MUC5B: variants seen among roughly 807,000 people sequenced by gnomAD.
MUC5B encodes mucin 5B, oligomeric mucus/gel-forming.
Under a neutral mutation model 376.9 loss-of-function variants are expected in MUC5B, and 116 were observed. The ratio of observed to expected loss-of-function variants is 0.31; its 90% confidence interval spans 0.26 to 0.36. MUC5B has a LOEUF of 0.36. MUC5B is among the 10% of genes least tolerant of loss of function. MUC5B has a pLI of 1.00. For missense variants in MUC5B, 7,165 were observed against 7,769.9 expected, an observed-to-expected ratio of 0.92 and a Z score of 2.93; for synonymous variants, 3,517 against 3,390.9, an observed-to-expected ratio of 1.04 and a Z score of -1.29.
intron 47 of MUC5B, 63 bp downstream of exon 47, chr11:1,260,456 C>A: frequency 6.3e-7 from 1 of 1,582,270 alleles, no homozygotes; most frequent in Non-Finnish European, 8.7e-7. Context: ...CCCATCCATT[C>A]CTGCCCAGAC....
In MUC5B at chr11:1,241,742, C is replaced by A; in HGVS notation, c.4862C>A (p.Thr1621Asn). ...ACCACAGAGCTGGAGACGGCCACCA[C>A]CACCACCACCCAGGCCCTGTTCTCA... ...PPTTELETAT[T>N]TTTQALFSTP... Residue 1621 changes from threonine to asparagine, a missense_variant, in exon 31 of 49, where the codon ACC becomes AAC. This residue lies in a region of MUC5B where 897 missense variants were observed against 779.6 expected (regional missense o/e 1.15). Transcript: ENST00000529681. The A allele has an allele frequency of 6.2e-7, 1 of 1,612,306 alleles. No individual in the cohort carries two copies. Among genetic ancestry groups the A allele is most frequent in the Non-Finnish European group, 8.5e-7 (1 of 1,179,592 alleles).
In MUC5B at chr11:1,250,173, T is replaced by A; in HGVS notation, c.13293T>A (p.Thr4431=). The change falls in exon 31 of 49, where the codon ACT becomes ACA. Residue 4431 remains threonine (T), a synonymous_variant. Transcript: ENST00000529681. ...LTELTTTATT[T]ASTGSTATPS... ...AGCTGACCACAACAGCCACTACGAC[T>A]GCGTCCACTGGATCCACGGCCACCC... 1 of 1,587,204 alleles carries A rather than the reference T, an allele frequency of 6.3e-7. No homozygotes were observed. Among genetic ancestry groups the A allele is most frequent in the African/African-American group, 1.4e-5 (1 of 73,758 alleles).
At chr11:1,238,640 ATGGGCAGG>A (rs932250075) in intron 25 of MUC5B, among the ~76,000 whole-genome samples, 10 of 152,066 alleles carry the variant, frequency 6.6e-5, no homozygotes, top group Non-Finnish European at 1.5e-4. Flanking sequence ...AGGTGGGCAG[ATGGGCAGG>A]TGGGCAGGGA....
Position 1,246,239 on chromosome 11 carries a change from G to A in MUC5B, c.9359G>A (p.Ser3120Asn). 1 of 1,611,840 alleles carries A rather than the reference G, an allele frequency of 6.2e-7. No homozygotes were observed. The highest frequency in any genetic ancestry group is 8.5e-7 in the Non-Finnish European group (1 of 1,179,256). Residue 3120 changes from serine to asparagine, a missense_variant, in exon 31 of 49, where the codon AGT becomes AAT. By Grantham distance (46) the Ser-to-Asn change is conservative (BLOSUM62 1). Around this residue, in one of 31 missense-constraint regions of MUC5B, gnomAD observed 939 missense variants for 770.6 expected, o/e 1.22. Transcript: ENST00000529681. ...TTKATTTRAT[S>N]SMSTPSSTPG... ...AAGGCCACCACGACAAGGGCCACCA[G>A]TTCCATGTCCACCCCCTCCTCCACT... is the stretch of plus-strand genomic sequence containing the variant.
chr11:1,259,356 G>T (rs1862939440), intron 44 of MUC5B, among the ~76,000 whole-genome samples: 2 of 152,192 alleles, frequency 1.3e-5, no homozygotes, highest in South Asian at 4.1e-4. Flanking sequence ...CCCCAGGTGA[G>T]CCCACAGCTG....
In MUC5B at chr11:1,255,112, A is replaced by G. The variant is rs773866698; in HGVS notation, c.15736A>G (p.Met5246Val). 18 of 1,587,326 alleles carry G rather than the reference A, an allele frequency of 1.1e-5. No individual in the cohort carries two copies. The highest frequency in any genetic ancestry group is 1.5e-5 in the Non-Finnish European group (17 of 1,168,042). Residue 5246 changes from methionine (M) to valine (V), a missense_variant, in exon 36 of 49, where the codon ATG becomes GTG. By Grantham distance (21) the Met-to-Val change is conservative. This residue lies in a region of MUC5B where 842 missense variants were observed against 1,016.9 expected (regional missense o/e 0.83). Coordinates refer to ENST00000529681, the MANE Select transcript of MUC5B (RefSeq NM_002458.3). ...AACCACTGCCGCCAGTTGCAAGGAC[A>G]TGGCCAAGACGTGGCTGGTCCCCGA... ...DGTTAASCKD[M>V]AKTWLVPDSR...
Position 1,253,006 on chromosome 11 carries a change from T to C in MUC5B, c.15217+26T>C. 1 of 1,611,416 alleles carries C rather than the reference T, an allele frequency of 6.2e-7. No individual in the cohort carries two copies. On this transcript the variant is annotated intron_variant, in intron 33 of 48. Coordinates refer to ENST00000529681, the MANE Select transcript of MUC5B (RefSeq NM_002458.3). The surrounding 1 kb of genome is among the most constrained non-coding windows in gnomAD (Gnocchi z 4.3). ...GTGAGTGCGTCGGTGGCCGCGGGATTACCCCGGGGGCAGGTGGAGCAGAGT... is the reference window on the plus strand; with the variant it reads ...GTGAGTGCGTCGGTGGCCGCGGGATCACCCCGGGGGCAGGTGGAGCAGAGT...
chr11:1,239,158 T>C (rs1409126161), intron 26 of MUC5B, 131 bp downstream of exon 26: 1 of 1,169,188 alleles, frequency 8.6e-7, no homozygotes, highest in Non-Finnish European at 1.2e-6. Context: ...TGTGCCTCCA[T>C]GTGAGTGCAC....
chr11:1,228,495 C>T, intron 7 of MUC5B, 69 bp from the exon 8 acceptor site: 1 of 1,399,416 alleles, frequency 7.1e-7, no homozygotes, highest in Non-Finnish European at 9.5e-7. Context: ...TGCCATGGGT[C>T]CTATTCCAGC....
At chr11:1,232,234 C>T (rs575212514) in intron 15 of MUC5B, 74 bp downstream of exon 15, 10 of 1,475,248 alleles carry the variant, frequency 6.8e-6, no homozygotes, top group African/African-American at 4.2e-5. Context: ...CCCTGGGCCA[C>T]GGGGACCCCT....
rs201400995 is a variant in MUC5B at position 1,250,676 on chromosome 11, C to T, written c.13796C>T (p.Thr4599Met). ...ACCAAAGTGCCGACTACCACAACCA[C>T]GGGCTTCACAGCCACCCCCTCCTCC... ...HTTKVPTTTT[T>M]GFTATPSSSP... Residue 4599 changes from threonine (T) to methionine (M), a missense_variant, in exon 31 of 49, where the codon ACG (threonine) becomes ATG (methionine). Physicochemically the swap from Thr to Met is moderately conservative, Grantham distance 81. Around this residue, in one of 31 missense-constraint regions of MUC5B, gnomAD observed 730 missense variants for 592.7 expected, o/e 1.23. Coordinates refer to ENST00000529681, the MANE Select transcript of MUC5B (RefSeq NM_002458.3). 3.3e-3 allele frequency: 5,400 copies of T among 1,612,474 alleles called. 107 individuals carry two copies. In the African/African-American group the frequency reaches 0.064, roughly 19 times the overall value.
Position 1,250,759 on chromosome 11 carries a change from A to G in MUC5B, c.13879A>G (p.Thr4627Ala), listed in dbSNP as rs769238167. ...VWISTTTTPT[T>A]TTPTTSGSTV... is the part of the protein sequence containing the mutation. ...GATCAGCACAACCACCACACCCACA[A>G]CCACCACACCCACAACCAGTGGCTC... The change falls in exon 31 of 49, where the codon ACC (threonine) becomes GCC (alanine). Residue 4627 changes from threonine (T) to alanine (A), a missense_variant. By Grantham distance (58) the Thr-to-Ala change is moderately conservative. Transcript: ENST00000529681. 46 of 1,611,318 alleles carry G rather than the reference A, an allele frequency of 2.9e-5. No individual in the cohort carries two copies. Among genetic ancestry groups the G allele is most frequent in the Non-Finnish European group, 3.6e-5 (43 of 1,178,662 alleles).
In MUC5B at chr11:1,258,853, C is replaced by T; in HGVS notation, c.16594-89C>T. 1.3e-6 allele frequency: 2 copies of T among 1,507,624 alleles called. No individual in the cohort carries two copies. Among genetic ancestry groups the T allele is most frequent in the Non-Finnish European group, 1.8e-6 (2 of 1,121,952 alleles). 93.4% of individuals were successfully genotyped at this position (1,507,624 alleles called of 1,614,324 possible). On this transcript the variant is annotated intron_variant, in intron 43 of 48. Coordinates refer to ENST00000529681, the MANE Select transcript of MUC5B (RefSeq NM_002458.3). The surrounding 1 kb of genome is among the most constrained non-coding windows in gnomAD (Gnocchi z 5.5). ...TATGCTCCATCTGAGGAAGGAACAA[C>T]TCCCTGCAGGCCCCATTGGGTCATG...
In MUC5B at chr11:1,243,146, C is replaced by T. The variant is rs377736509; in HGVS notation, c.6266C>T (p.Thr2089Met). 1.0e-4 allele frequency: 166 copies of T among 1,609,714 alleles called. No homozygotes were observed. Among genetic ancestry groups the T allele is most frequent in the African/African-American group, 2.0e-4 (15 of 74,686 alleles). The change falls in exon 31 of 49, where the codon ACG becomes ATG. Residue 2089 changes from threonine to methionine, a missense_variant. Around this residue, in one of 31 missense-constraint regions of MUC5B, gnomAD observed 897 missense variants for 779.6 expected, o/e 1.15. Transcript: ENST00000529681. The part of the protein sequence containing the change: ...TTTTPTTRGS[T>M]VTPSSIPGTT... ...ACCACACCCACAACCAGAGGCTCCA[C>T]GGTGACCCCCTCCTCCATCCCGGGG...
chr11:1,232,124 A>G lies in MUC5B; in HGVS notation c.1807A>G (p.Ser603Gly), dbSNP rs747682854. The G allele has an allele frequency of 6.2e-7, 1 of 1,612,010 alleles. No homozygotes were observed. Among genetic ancestry groups the G allele is most frequent in the Non-Finnish European group, 8.5e-7 (1 of 1,179,330 alleles). The change falls in exon 15 of 49, where the codon AGC becomes GGC. Residue 603 changes from serine (S) to glycine (G), a missense_variant. Ser to Gly is a moderately conservative substitution (Grantham distance 56, BLOSUM62 0). Transcript: ENST00000529681. ...AQAACANARN[S>G]FEDPCSLSVE... is the part of the protein sequence containing the mutation. Reference sequence around the variant, plus strand: ...GGCTGCCTGTGCCAATGCCAGGAACAGCTTTGAGGACCCCTGCTCCCTCAG... The same window carrying G: ...GGCTGCCTGTGCCAATGCCAGGAACGGCTTTGAGGACCCCTGCTCCCTCAG...
chr11:1,248,789 C>A lies in MUC5B; in HGVS notation c.11909C>A (p.Thr3970Lys). ...TTNPSSTPGTTPIPPVLTTTA... is the reference protein window; with the variant it reads ...TTNPSSTPGTKPIPPVLTTTA... ...AACCCCTCCTCAACTCCAGGGACAA[C>A]ACCTATCCCCCCAGTGCTGACCACC... Residue 3970 changes from threonine to lysine, a missense_variant, in exon 31 of 49, where the codon ACA becomes AAA. Coordinates refer to ENST00000529681, the MANE Select transcript of MUC5B (RefSeq NM_002458.3). The A allele has an allele frequency of 6.5e-7, 1 of 1,549,574 alleles. No individual in the cohort carries two copies. Among genetic ancestry groups the A allele is most frequent in the Non-Finnish European group, 8.7e-7 (1 of 1,145,950 alleles).
rs770159358 is a variant in MUC5B at position 1,242,669 on chromosome 11, T to C, written c.5789T>C (p.Leu1930Pro). Residue 1930 changes from leucine (L) to proline (P), a missense_variant, in exon 31 of 49, where the codon CTG becomes CCG. Coordinates refer to ENST00000529681, the MANE Select transcript of MUC5B (RefSeq NM_002458.3). ...TCCACGGCCACCCCGACCTCCACCC[T>C]GAGAACAGCTCCCCCTCCCAAAGTG... is the stretch of plus-strand genomic sequence containing the variant. The part of the protein sequence containing the change: ...TGSTATPTST[L>P]RTAPPPKVLT... 15 of 1,604,608 alleles carry C rather than the reference T, an allele frequency of 9.3e-6. No homozygotes were observed. In the East Asian group the frequency reaches 1.1e-4, roughly 12 times the overall value.
At position 1,233,046 on chromosome 11, in the gene MUC5B, G is replaced by C. The variant is rs2735715; in HGVS notation, c.2099G>C (p.Arg700Pro). ...ATGCAGAACTGCCCCAAGTCCCAGC[G>C]CTACGCCTACGTGGTGGATGCCTGC... ...KYMQNCPKSQ[R>P]YAYVVDACQP... The change falls in exon 18 of 49, where the codon CGC becomes CCC. Residue 700 changes from arginine to proline, a missense_variant. Arg to Pro is a moderately radical substitution (Grantham distance 103). Around this residue, in one of 31 missense-constraint regions of MUC5B, gnomAD observed 530 missense variants for 604.0 expected, o/e 0.88. Transcript: ENST00000529681. 6.2e-7 allele frequency: 1 copy of C among 1,602,388 alleles called. No individual in the cohort carries two copies. Among genetic ancestry groups the C allele is most frequent in the South Asian group, 1.1e-5 (1 of 90,036 alleles).
Position 1,250,239 on chromosome 11 carries a change from G to T in MUC5B, c.13359G>T (p.Pro4453=), listed in dbSNP as rs527423680. ...TPGTTWILTE[P]STTATVTVPT... ...GGACCACCTGGATCCTCACAGAGCC[G>T]AGCACTACAGCCACCGTGACGGTGC... Residue 4453 remains proline (P), a synonymous_variant, in exon 31 of 49, where the codon CCG becomes CCT. Coordinates refer to ENST00000529681, the MANE Select transcript of MUC5B (RefSeq NM_002458.3). 1 of 1,601,180 alleles carries T rather than the reference G, an allele frequency of 6.2e-7. No homozygotes were observed. The highest frequency in any genetic ancestry group is 1.4e-5 in the African/African-American group (1 of 73,862).
Sources: gnomAD v4.1 joint callset for allele counts (sites outside exome capture counted in the v4.1 genomes callset) on GRCh38, gnomAD v4.1.1 for gene constraint, gnomAD v4.1.1 regional missense constraint, Gnocchi (gnomAD v3.1) non-coding constraint, MANE v1.5 for transcripts, NCBI Gene and HGNC (gene_info 2026-07-23, HGNC 2026-07-21) for gene names.